The following ROBO1 variants were observed in gnomAD, a reference collection of about 807,000 sequenced individuals.
The protein encoded by ROBO1 is roundabout guidance receptor 1, also known as roundabout homolog 1.
In ROBO1, 149 loss-of-function variants were observed where a neutral mutation model predicts 195.9. The observed-to-expected ratio is 0.76, with a 90% confidence interval of 0.67 to 0.87. The LOEUF (loss-of-function observed/expected upper bound fraction) is 0.87. Among genes scored for constraint, ROBO1 ranks in the 40% least tolerant of loss-of-function variants. The pLI is 0.00. For missense variants in ROBO1, 1,933 were observed against 2,068.3 expected (o/e 0.93, Z 1.27); for synonymous variants, 816 against 733.2 (o/e 1.11, Z -1.82).
intron 3 of ROBO1, among the ~76,000 whole-genome samples, chr3:78,959,520 T>A (rs1489576989): frequency 6.6e-6 from 1 of 152,158 alleles, no homozygotes; most frequent in Non-Finnish European, 1.5e-5. Context: ...TAAAATTATT[T>A]CAAATCAACA....
intron 3 of ROBO1, among the ~76,000 whole-genome samples, chr3:78,953,631 G>T (rs977523176): frequency 6.6e-6 from 1 of 152,004 alleles, no homozygotes; most frequent in Admixed American, 6.6e-5. Flanking sequence ...ATCAAAGGAA[G>T]AAACAGCGTG....
intron 2 of ROBO1, among the ~76,000 whole-genome samples, chr3:79,129,814 G>A (rs1318557588): frequency 1.3e-5 from 2 of 151,560 alleles, no homozygotes; most frequent in African/African-American, 4.9e-5. Flanking sequence ...ATGGTTTTAG[G>A]TCTAACGTTT....
Position 78,729,730 on chromosome 3 carries a change from G to A in ROBO1, c.658-11847C>T, listed in dbSNP as rs563837061. 5.3e-5 allele frequency among the ~76,000 whole-genome samples: 8 copies of A among 152,286 alleles called. No individual in the cohort carries two copies. In the East Asian group the frequency reaches 1.5e-3, roughly 29 times the overall value. On this transcript the variant is annotated intron_variant, in intron 5 of 30. Coordinates refer to ENST00000464233, the MANE Select transcript of ROBO1 (RefSeq NM_002941.4). ...ATCCTATAAAAGGAGGCAATATAAA[G>A]AGTGGTTTTAGCCTTTGCTAGCTAT...
intron 2 of ROBO1, among the ~76,000 whole-genome samples, chr3:79,343,964 C>A (rs1351164849): frequency 6.6e-6 from 1 of 151,976 alleles, no homozygotes; most frequent in Non-Finnish European, 1.5e-5. Context: ...ACTCAGACTC[C>A]CAGGCCCCAT....
chr3:79,500,703 A>G (rs958760021), intron 2 of ROBO1, among the ~76,000 whole-genome samples: 1 of 152,214 alleles, frequency 6.6e-6, no homozygotes, highest in African/African-American at 2.4e-5. Context: ...ATATTAGCGA[A>G]GTACATGGTC....
intron 2 of ROBO1, among the ~76,000 whole-genome samples, chr3:79,133,149 A>C (rs1264144861): frequency 1.1e-4 from 1 of 9,306 alleles, no homozygotes; most frequent in Non-Finnish European, 2.0e-4. Context: ...GGTGAATCTG[A>C]CAATTATGTG....
chr3:78,810,231 A>G (rs1272835317), intron 4 of ROBO1, among the ~76,000 whole-genome samples: 3 of 152,202 alleles, frequency 2.0e-5, no homozygotes, highest in Admixed American at 1.3e-4. Flanking sequence ...AGATGTTTCT[A>G]TGCTATTAAT....
At chr3:79,737,786 C>A (rs1176650561) in intron 1 of ROBO1, among the ~76,000 whole-genome samples, 2 of 152,210 alleles carry the variant, frequency 1.3e-5, no homozygotes, top group South Asian at 4.1e-4. Context: ...CAGTGCTTTC[C>A]AGCTCACCAA....
chr3:78,920,624 GTTTTTTTTTT>G (rs34364869), intron 4 of ROBO1, among the ~76,000 whole-genome samples: 54 of 60,950 alleles, frequency 8.9e-4, no homozygotes, highest in African/African-American at 2.9e-3. Context: ...CTTTCTTTCA[GTTTTTTTTTT>G]TTTTTTTTTT....
At chr3:78,686,417 G>T (rs1034464141) in intron 9 of ROBO1, among the ~76,000 whole-genome samples, 1 of 151,866 alleles carries the variant, frequency 6.6e-6, no homozygotes, top group African/African-American at 2.4e-5. Context: ...TTAGCCGGGC[G>T]TGGTGGCAGC....
At chr3:79,569,115 C>T (rs537360977) in intron 2 of ROBO1, among the ~76,000 whole-genome samples, 2 of 146,630 alleles carry the variant, frequency 1.4e-5, no homozygotes, top group African/African-American at 5.2e-5. Context: ...CACGCATGCG[C>T]GTGCACACGC....
intron 2 of ROBO1, among the ~76,000 whole-genome samples, chr3:79,517,497 C>T (rs66842409): frequency 0.14 from 20,555 of 152,072 alleles, 1,789 homozygotes; most frequent in African/African-American, 0.25. Flanking sequence ...TTAGTAGGTC[C>T]TAGGATTTAT....
At chr3:78,940,394 TTAAAA>T (rs1270108142) in intron 3 of ROBO1, among the ~76,000 whole-genome samples, 1 of 152,214 alleles carries the variant, frequency 6.6e-6, no homozygotes, top group Admixed American at 6.5e-5. Flanking sequence ...TCAGTGGCTC[TTAAAA>T]TAAACTTACT....
intron 2 of ROBO1, among the ~76,000 whole-genome samples, chr3:79,542,124 T>C (rs935443656): frequency 2.0e-5 from 3 of 152,078 alleles, no homozygotes; most frequent in Non-Finnish European, 4.4e-5. Flanking sequence ...TTCACAGCCA[T>C]TGGGGCAAAC....
chr3:79,182,028 A>C (rs138026480), intron 2 of ROBO1, among the ~76,000 whole-genome samples: 229 of 151,772 alleles, frequency 1.5e-3, no homozygotes, highest in African/African-American at 5.3e-3. Flanking sequence ...ATTGGAAATC[A>C]AGGTCAGTTG....
intron 1 of ROBO1, among the ~76,000 whole-genome samples, chr3:79,656,675 G>T (rs976700229): frequency 3.3e-5 from 5 of 151,866 alleles, no homozygotes; most frequent in Non-Finnish European, 5.9e-5. Flanking sequence ...CAGGAGGATT[G>T]CTTGAACCCA....
chr3:79,194,963 C>T (rs2081607311), intron 2 of ROBO1, among the ~76,000 whole-genome samples: 1 of 151,514 alleles, frequency 6.6e-6, no homozygotes, highest in Non-Finnish European at 1.5e-5. Context: ...ACTTAGAGGG[C>T]AATGCAGTGC....
At chr3:79,723,436 T>C (rs1013842219) in intron 1 of ROBO1, among the ~76,000 whole-genome samples, 3 of 152,188 alleles carry the variant, frequency 2.0e-5, no homozygotes, top group Non-Finnish European at 4.4e-5. Context: ...CAATATTTTA[T>C]AGGCAATTTG....
intron 1 of ROBO1, among the ~76,000 whole-genome samples, chr3:79,669,097 T>A (rs1479515485): frequency 6.6e-6 from 1 of 151,892 alleles, no homozygotes; most frequent in African/African-American, 2.4e-5. Flanking sequence ...CTCCCATAAT[T>A]TCTACGTGTT....
Sources: allele counts gnomAD v4.1 joint callset (sites outside exome capture counted in the v4.1 genomes callset), GRCh38; gene constraint gnomAD v4.1.1; transcripts MANE v1.5; gene names NCBI Gene and HGNC (gene_info 2026-07-23, HGNC 2026-07-21).